The following CDKAL1 variants were observed in gnomAD, a reference collection of about 807,000 sequenced individuals.
The protein encoded by CDKAL1 is threonylcarbamoyladenosine tRNA methylthiotransferase.
Under a neutral mutation model 68.2 loss-of-function variants are expected in CDKAL1, and 32 were observed. The observed-to-expected ratio is 0.47, with a 90% CI of 0.35 to 0.63. CDKAL1 has a LOEUF of 0.63. Among genes scored for constraint, CDKAL1 ranks in the 30% least tolerant of loss-of-function variants. The pLI, the probability that CDKAL1 is intolerant of heterozygous loss-of-function variation, is 0.00. For missense variants in CDKAL1, 606 were observed against 696.7 expected (o/e 0.87, Z 1.47); for synonymous variants, 234 against 244.3 (o/e 0.96, Z 0.39).
intron 4 of CDKAL1, among the ~76,000 whole-genome samples, chr6:20,596,394 A>G (rs577578458): frequency 6.6e-6 from 1 of 152,304 alleles, no homozygotes; most frequent in African/African-American, 2.4e-5. Context: ...CAGTCTGGCT[A>G]CAGCGGCTTT....
intron 8 of CDKAL1, among the ~76,000 whole-genome samples, chr6:20,792,105 T>G (rs1406949050): frequency 6.6e-6 from 1 of 152,230 alleles, no homozygotes; most frequent in Non-Finnish European, 1.5e-5. Context: ...TATCCCATAT[T>G]TATTTTTGAA....
chr6:20,777,676 T>G (rs922946443), intron 7 of CDKAL1, among the ~76,000 whole-genome samples: 1 of 152,104 alleles, frequency 6.6e-6, no homozygotes, highest in Non-Finnish European at 1.5e-5. Flanking sequence ...TAGCACCATA[T>G]TTTTAGCTTT....
chr6:20,550,556 G>T (rs180695420), intron 4 of CDKAL1, among the ~76,000 whole-genome samples: 6 of 152,144 alleles, frequency 3.9e-5, no homozygotes, highest in Admixed American at 2.0e-4. Flanking sequence ...TTTTCATTAA[G>T]AGAATGGCAT....
At chr6:20,769,651 G>C (rs1237611044) in intron 7 of CDKAL1, among the ~76,000 whole-genome samples, 9 of 152,256 alleles carry the variant, frequency 5.9e-5, no homozygotes, top group East Asian at 3.9e-4. Context: ...TCTAGTGTTT[G>C]AAAGTTTTAA....
chr6:20,818,881 G>T (rs1777159098), intron 8 of CDKAL1, among the ~76,000 whole-genome samples: 1 of 151,792 alleles, frequency 6.6e-6, no homozygotes, highest in Admixed American at 6.6e-5. Flanking sequence ...TTTGATTATT[G>T]CATTATGTTT....
chr6:20,908,215 A>G (rs1419822006), intron 9 of CDKAL1, among the ~76,000 whole-genome samples: 1 of 152,222 alleles, frequency 6.6e-6, no homozygotes, highest in Non-Finnish European at 1.5e-5. Context: ...TTCAAATACC[A>G]GAATTATTGA....
In CDKAL1 at chr6:20,613,249, C is replaced by CTTTTTTTTTTTTTTTTTTTTTT. The variant is rs71559677; in HGVS notation, c.287-36022_287-36001dup. 5.1e-5 allele frequency among the ~76,000 whole-genome samples: 4 copies of CTTTTTTTTTTTTTTTTTTTTTT among 77,864 alleles called. 1 individual carries two copies. The highest frequency in any genetic ancestry group is 4.2e-4 in the South Asian group (1 of 2,390). The allele number at this position is 77,864 out of a possible 152,430, so 51.1% of individuals were successfully genotyped here. On this transcript the variant is annotated intron_variant, in intron 4 of 15. Coordinates refer to ENST00000274695, the MANE Select transcript of CDKAL1 (RefSeq NM_017774.3). ...TATCAGTTCATCACAAAATTTCTTT[C>CTTTTTTTTTTTTTTTTTTTTTT]TTTTTTTTTTTTTTTTTTTTTTTTT...
intron 4 of CDKAL1, among the ~76,000 whole-genome samples, chr6:20,568,743 A>AC (rs1351544965): frequency 1.1e-4 from 9 of 82,888 alleles, no homozygotes; most frequent in Admixed American, 2.5e-4. Flanking sequence ...TCAAAAAAAA[A>AC]AAAAAAACAA....
At chr6:21,206,208 T>C (rs1473319164) in intron 15 of CDKAL1, among the ~76,000 whole-genome samples, 1 of 152,140 alleles carries the variant, frequency 6.6e-6, no homozygotes, top group Non-Finnish European at 1.5e-5. Context: ...CGATAACTTC[T>C]GGACACCAGT....
intron 6 of CDKAL1, among the ~76,000 whole-genome samples, chr6:20,750,263 G>A (rs901920670): frequency 6.6e-6 from 1 of 152,036 alleles, no homozygotes; most frequent in African/African-American, 2.4e-5. Context: ...CTGTAAAGAT[G>A]GTGTCTCTAG....
intron 4 of CDKAL1, among the ~76,000 whole-genome samples, chr6:20,565,143 A>C (rs115563291): frequency 0.042 from 6,456 of 152,044 alleles, 316 homozygotes; most frequent in African/African-American, 0.12. Flanking sequence ...AGCTATCTAT[A>C]TATATATATA....
intron 13 of CDKAL1, among the ~76,000 whole-genome samples, chr6:21,171,746 A>T (rs947664371): frequency 6.6e-6 from 1 of 152,192 alleles, no homozygotes; most frequent in Non-Finnish European, 1.5e-5. Flanking sequence ...AGGTTAAAGG[A>T]TACAGGTACT....
chr6:20,749,230 A>C (rs1773806819), intron 6 of CDKAL1, among the ~76,000 whole-genome samples: 1 of 152,210 alleles, frequency 6.6e-6, no homozygotes, highest in South Asian at 2.1e-4. Flanking sequence ...TTTCATTTGC[A>C]AATAGAATAA....
intron 11 of CDKAL1, among the ~76,000 whole-genome samples, chr6:21,040,583 A>G (rs1353835398): frequency 6.6e-6 from 1 of 152,180 alleles, no homozygotes; most frequent in Non-Finnish European, 1.5e-5. Flanking sequence ...TAGCTTCACT[A>G]AAAATTCGTA....
At chr6:20,740,298 G>T (rs1210113632) in intron 6 of CDKAL1, among the ~76,000 whole-genome samples, 1 of 151,988 alleles carries the variant, frequency 6.6e-6, no homozygotes, top group Non-Finnish European at 1.5e-5. Flanking sequence ...AAATCTTCCC[G>T]TTGTATTTCT....
chr6:20,810,631 T>G (rs1285207063), intron 8 of CDKAL1, among the ~76,000 whole-genome samples: 3 of 48,284 alleles, frequency 6.2e-5, no homozygotes, highest in African/African-American at 2.7e-4. Context: ...TGTATGGGTG[T>G]GTGTGTGTGT....
At chr6:20,693,348 A>C (rs1238726053) in intron 5 of CDKAL1, among the ~76,000 whole-genome samples, 1 of 152,146 alleles carries the variant, frequency 6.6e-6, no homozygotes, top group Non-Finnish European at 1.5e-5. Flanking sequence ...GAAACTTGTA[A>C]CCATTTCTGA....
At chr6:20,799,009 G>A (rs1407837319) in intron 8 of CDKAL1, among the ~76,000 whole-genome samples, 2 of 146,870 alleles carry the variant, frequency 1.4e-5, no homozygotes, top group African/African-American at 5.0e-5. Flanking sequence ...GAGGAAAATG[G>A]GCCTGGGCCC....
At chr6:20,650,232 T>C (rs1768691876) in intron 5 of CDKAL1, among the ~76,000 whole-genome samples, 1 of 152,178 alleles carries the variant, frequency 6.6e-6, no homozygotes, top group African/African-American at 2.4e-5. Flanking sequence ...ATCTGTTGTT[T>C]GTTGACTTTT....
Sources: gnomAD v4.1 joint callset for allele counts (sites outside exome capture counted in the v4.1 genomes callset) on GRCh38, gnomAD v4.1.1 for gene constraint, MANE v1.5 for transcripts, NCBI Gene and HGNC (gene_info 2026-07-23, HGNC 2026-07-21) for gene names.